UTRN: variants seen among roughly 807,000 people sequenced by gnomAD.
UTRN encodes dystrophin-related protein 1.
Under a neutral mutation model 463.9 loss-of-function variants are expected in UTRN, and 283 were observed. The ratio of observed to expected loss-of-function variants is 0.61; its 90% CI spans 0.55 to 0.67. UTRN has a LOEUF of 0.67. UTRN is among the 30% of genes least tolerant of loss of function. The probability of loss-of-function intolerance (pLI) is 0.00; values close to 1 mark genes in which losing one functional copy is unlikely to be tolerated. For synonymous variants in UTRN, 1,442 were observed against 1,431.5 expected (o/e 1.01, Z -0.17); for missense variants, 3,922 against 4,084.3 (o/e 0.96, Z 1.08).
intron 51 of UTRN, among the ~76,000 whole-genome samples, chr6:144,642,272 T>G (rs945038814): frequency 1.3e-5 from 2 of 152,346 alleles, no homozygotes; most frequent in African/African-American, 4.8e-5. Flanking sequence ...TTATATTCGT[T>G]GTATAAAGCC....
chr6:144,543,737 C>T (rs1287873342), intron 46 of UTRN, among the ~76,000 whole-genome samples: 2 of 151,916 alleles, frequency 1.3e-5, no homozygotes, highest in Non-Finnish European at 2.9e-5. Context: ...TCTTATTCCT[C>T]TTATTTTTCT....
intron 50 of UTRN, among the ~76,000 whole-genome samples, chr6:144,572,160 C>T (rs749366018): frequency 2.6e-5 from 4 of 152,116 alleles, no homozygotes; most frequent in Non-Finnish European, 5.9e-5. Flanking sequence ...ACAGCCCATA[C>T]CTGCTCCAGT....
chr6:144,471,847 T>C (rs915825412), intron 23 of UTRN, among the ~76,000 whole-genome samples: 1 of 152,244 alleles, frequency 6.6e-6, no homozygotes, highest in Non-Finnish European at 1.5e-5. Flanking sequence ...ATAATATTAA[T>C]GGAAGACACA....
chr6:144,730,302 A>G, intron 53 of UTRN, 55 bp from the exon 54 acceptor site: 4 of 1,463,444 alleles, frequency 2.7e-6, no homozygotes, highest in South Asian at 1.5e-5. Flanking sequence ...AAGATGTCCC[A>G]TAATTTGGTG....
At chr6:144,564,763 T>C (rs1478455464) in intron 50 of UTRN, among the ~76,000 whole-genome samples, 1 of 152,170 alleles carries the variant, frequency 6.6e-6, no homozygotes, top group Non-Finnish European at 1.5e-5. Context: ...ATCCCCATTA[T>C]CCAATTATGT....
intron 54 of UTRN, among the ~76,000 whole-genome samples, chr6:144,741,728 C>T (rs189840975): frequency 3.1e-4 from 47 of 152,276 alleles, no homozygotes; most frequent in African/African-American, 1.0e-3. Flanking sequence ...GGTTGCTTAG[C>T]GAGGCCCTGG....
In UTRN at chr6:144,822,880, G is replaced by A. The variant is rs968479101; in HGVS notation, c.9494+1862G>A. On this transcript the variant is annotated intron_variant, in intron 66 of 74. Transcript: ENST00000367545. Reference sequence around the variant, plus strand: ...ATAATTTGATAGGTTTGAACTAAGCGATGTGCCTTTTAATCTTTTGCTAAA... The same window carrying A: ...ATAATTTGATAGGTTTGAACTAAGCAATGTGCCTTTTAATCTTTTGCTAAA... Among the ~76,000 whole-genome samples the A allele has an allele frequency of 2.6e-5, 4 of 152,102 alleles. No homozygotes were observed. In the East Asian group the frequency reaches 5.8e-4, roughly 22 times the overall value.
At chr6:144,501,229 G>A (rs1167445466) in intron 34 of UTRN, among the ~76,000 whole-genome samples, 4 of 152,166 alleles carry the variant, frequency 2.6e-5, no homozygotes, top group Admixed American at 2.6e-4. Context: ...GCAAGTCATC[G>A]GTGTGTTGTG....
intron 51 of UTRN, among the ~76,000 whole-genome samples, chr6:144,605,983 C>A (rs1280993714): frequency 6.6e-6 from 1 of 151,988 alleles, no homozygotes; most frequent in East Asian, 1.9e-4. Flanking sequence ...AAAACTCTTT[C>A]TTGGAAATTT....
intron 23 of UTRN, among the ~76,000 whole-genome samples, chr6:144,472,013 A>G (rs928401018): frequency 3.9e-5 from 6 of 152,190 alleles, no homozygotes; most frequent in Admixed American, 2.0e-4. Context: ...AGATGCATAA[A>G]TCTACATCCC....
Position 144,850,928 on chromosome 6 carries a change from A to G in UTRN, c.10294-61A>G, listed in dbSNP as rs73596402. The G allele has an allele frequency of 1.4e-5, 23 of 1,605,138 alleles. 1 individual carries two copies. The African/African-American group carries it at 1.6e-4, about 11-fold the overall frequency. On this transcript the variant is annotated intron_variant, in intron 74 of 74. Transcript: ENST00000367545. ...TTTTATTTTCTTGAAGAATTGACAG[A>G]TCTCTGCTTCCTGTAATGTTTTGTG...
At position 144,771,986 on chromosome 6, in the gene UTRN, T is replaced by C. The variant is rs1195976230; in HGVS notation, c.8557+18T>C. The C allele has an allele frequency of 5.8e-6, 7 of 1,214,970 alleles. No individual in the cohort carries two copies. Among genetic ancestry groups the C allele is most frequent in the Non-Finnish European group, 8.0e-6 (7 of 874,026 alleles). 75.3% of individuals were successfully genotyped at this position (1,214,970 alleles called of 1,614,324 possible). A position where few individuals can be genotyped will look rare whatever the true frequency, so the allele number is the denominator to read the frequency against. ...ATCCCTTGGTAAGTGTTATTAATAG[T>C]AATAAATTAACCTAAACAACTGAGA... On this transcript the variant is annotated intron_variant, in intron 59 of 74. Coordinates refer to ENST00000367545, the MANE Select transcript of UTRN (RefSeq NM_007124.3).
intron 2 of UTRN, among the ~76,000 whole-genome samples, chr6:144,348,317 G>C (rs1167410603): frequency 6.6e-6 from 1 of 152,204 alleles, no homozygotes; most frequent in Admixed American, 6.5e-5. Context: ...TGGAGGTTAG[G>C]ACCTGGAAAG....
chr6:144,287,033 C>A (rs112016490), intron 1 of UTRN, among the ~76,000 whole-genome samples: 1 of 152,066 alleles, frequency 6.6e-6, no homozygotes, highest in Non-Finnish European at 1.5e-5. Flanking sequence ...TCCCGGCCGC[C>A]CGGCCGGGCG....
At chr6:144,343,368 A>ACG (rs1191482366) in intron 2 of UTRN, among the ~76,000 whole-genome samples, 30 of 51,796 alleles carry the variant, frequency 5.8e-4, no homozygotes, top group African/African-American at 3.4e-3. Context: ...TACTAAACAC[A>ACG]CACACACACA....
chr6:144,344,090 C>CA (rs34356247), intron 2 of UTRN: 154,260 of 830,262 alleles, frequency 0.19, 210 homozygotes, highest in East Asian at 0.21. Flanking sequence ...TAAAAGCCAC[C>CA]AAAAAAAAAA....
chr6:144,785,764 T>C (rs1776242261), intron 61 of UTRN, among the ~76,000 whole-genome samples: 1 of 152,206 alleles, frequency 6.6e-6, no homozygotes, highest in African/African-American at 2.4e-5. Context: ...AAGGTGATTA[T>C]GAAGGGCAAA....
chr6:144,805,312 G>T (rs1778050828), intron 65 of UTRN, among the ~76,000 whole-genome samples: 1 of 152,154 alleles, frequency 6.6e-6, no homozygotes, highest in South Asian at 2.1e-4. Flanking sequence ...AATAAATGGG[G>T]TTGTTATACA....
chr6:144,382,691 T>A (rs1358012942), intron 2 of UTRN, among the ~76,000 whole-genome samples: 1 of 152,214 alleles, frequency 6.6e-6, no homozygotes, highest in Non-Finnish European at 1.5e-5. Flanking sequence ...CATAAAGTAG[T>A]TGGGAGCTGA....
Sources: allele counts gnomAD v4.1 joint callset (sites outside exome capture counted in the v4.1 genomes callset), GRCh38; gene constraint gnomAD v4.1.1; transcripts MANE v1.5; gene names NCBI Gene and HGNC (gene_info 2026-07-23, HGNC 2026-07-21).